PTGIS: variants seen among roughly 807,000 people sequenced by gnomAD.
PTGIS encodes the protein prostacyclin synthase.
In PTGIS, 45 loss-of-function variants were observed where a neutral mutation model predicts 50.3. The ratio of observed to expected loss-of-function variants is 0.90; its 90% CI spans 0.70 to 1.15. The LOEUF is 1.15. Among genes scored for constraint, PTGIS ranks in the 50% most tolerant of loss-of-function variants. The pLI is 0.00. For missense variants in PTGIS, 668 were observed against 661.3 expected (o/e 1.01, Z -0.11); for synonymous variants, 260 against 267.7 (o/e 0.97, Z 0.28).
At chr20:49,539,266 TA>T (rs1034535326) in intron 5 of PTGIS, among the ~76,000 whole-genome samples, 29 of 152,196 alleles carry the variant, frequency 1.9e-4, no homozygotes, top group Non-Finnish European at 4.0e-4. Context: ...GAACTACTTG[TA>T]AAAACTTTTA....
At chr20:49,560,379 A>G (rs6019900) in intron 1 of PTGIS, among the ~76,000 whole-genome samples, 8 of 150,170 alleles carry the variant, frequency 5.3e-5, no homozygotes, top group African/African-American at 1.2e-4. Context: ...TTGTTTTTCT[A>G]TTTTTTTATA....
chr20:49,508,982 A>T (rs1359637892), intron 9 of PTGIS, among the ~76,000 whole-genome samples: 3 of 152,240 alleles, frequency 2.0e-5, no homozygotes, highest in Non-Finnish European at 4.4e-5. Flanking sequence ...CGCCCGATGC[A>T]GCACTGAGCA....
At chr20:49,538,366 C>T (rs1045912091) in intron 5 of PTGIS, among the ~76,000 whole-genome samples, 3 of 150,108 alleles carry the variant, frequency 2.0e-5, no homozygotes, top group Admixed American at 2.0e-4. Context: ...GAGTTCAAGA[C>T]CAGTATAGGT....
chr20:49,531,542 CA>C (rs1319578765), intron 5 of PTGIS, among the ~76,000 whole-genome samples: 1 of 152,010 alleles, frequency 6.6e-6, no homozygotes, highest in Non-Finnish European at 1.5e-5. Context: ...CCCCAAAAAT[CA>C]AAAAAAGACA....
chr20:49,537,376 G>C (rs1372740865), intron 5 of PTGIS, among the ~76,000 whole-genome samples: 3 of 152,212 alleles, frequency 2.0e-5, no homozygotes, highest in African/African-American at 7.2e-5. Flanking sequence ...TTTACAAATC[G>C]ATGTGGAAAT....
chr20:49,518,118 A>C (rs1981541346), intron 6 of PTGIS, among the ~76,000 whole-genome samples: 1 of 152,262 alleles, frequency 6.6e-6, no homozygotes, highest in African/African-American at 2.4e-5. Flanking sequence ...GTAGCCTGGC[A>C]GAAGAAGGGA....
chr20:49,536,474 C>CTTTTT (rs1982073506), intron 5 of PTGIS, among the ~76,000 whole-genome samples: 19 of 125,598 alleles, frequency 1.5e-4, no homozygotes, highest in Admixed American at 6.9e-4. Context: ...TTCTTTCTTT[C>CTTTTT]TTTCTTTTTT....
At chr20:49,567,040 T>A (rs1982917184) in intron 1 of PTGIS, among the ~76,000 whole-genome samples, 1 of 152,112 alleles carries the variant, frequency 6.6e-6, no homozygotes, top group Non-Finnish European at 1.5e-5. Context: ...TATATTTTTT[T>A]AAATATGGAA....
At chr20:49,513,393 A>G in intron 7 of PTGIS, 132 bp from the exon 8 acceptor site, 1 of 1,018,218 alleles carries the variant, frequency 9.8e-7, no homozygotes, top group South Asian at 1.4e-5. Flanking sequence ...ACACAGTCAC[A>G]TAGCAAGGTG....
intron 5 of PTGIS, among the ~76,000 whole-genome samples, chr20:49,525,125 G>T (rs1361762009): frequency 6.6e-6 from 1 of 152,118 alleles, no homozygotes; most frequent in Non-Finnish European, 1.5e-5. Context: ...AGATTGGGCT[G>T]GAGTCTCAAA....
chr20:49,564,567 T>A (rs1056795480), intron 1 of PTGIS, among the ~76,000 whole-genome samples: 9 of 152,318 alleles, frequency 5.9e-5, no homozygotes, highest in East Asian at 1.9e-4. Context: ...TAATATTTTT[T>A]AAATAATGTT....
intron 5 of PTGIS, among the ~76,000 whole-genome samples, chr20:49,525,656 A>G (rs2122857138): frequency 6.6e-6 from 1 of 152,190 alleles, no homozygotes; most frequent in Admixed American, 6.5e-5. Context: ...GCTCCACGGT[A>G]ATGCTATTTA....
Position 49,507,805 on chromosome 20 carries a change from G to C in PTGIS, c.*115C>G. The C allele has an allele frequency of 1.4e-6, 2 of 1,386,372 alleles. No individual in the cohort carries two copies. The highest frequency in any genetic ancestry group is 1.0e-6 in the Non-Finnish European group (1 of 1,002,744). 85.9% of individuals were successfully genotyped at this position (1,386,372 alleles called of 1,614,324 possible). ...AGCCTTCTGGGAGAAAAGCAGGGAA[G>C]TGGTAATGCTAGCACCTGCACCCGG... On this transcript the variant is annotated 3_prime_UTR_variant, in exon 10 of 10. Coordinates refer to ENST00000244043, the MANE Select transcript of PTGIS (RefSeq NM_000961.4).
chr20:49,524,287 A>G (rs1281481066), intron 5 of PTGIS, 48 bp from the exon 6 acceptor site: 1 of 1,599,466 alleles, frequency 6.3e-7, no homozygotes, highest in Non-Finnish European at 8.5e-7. Context: ...TCACCATCCC[A>G]CACCCAGGGC....
chr20:49,567,867 G>GC (rs1260903976), intron 1 of PTGIS, among the ~76,000 whole-genome samples, 176 bp downstream of exon 1: 2 of 152,268 alleles, frequency 1.3e-5, no homozygotes, highest in East Asian at 1.9e-4. Context: ...GCACGGCCTG[G>GC]CCCCCTCACC....
chr20:49,541,055 A>G (rs1982213395), intron 4 of PTGIS, among the ~76,000 whole-genome samples: 1 of 152,222 alleles, frequency 6.6e-6, no homozygotes, highest in Non-Finnish European at 1.5e-5. Flanking sequence ...GAAGTTGTAA[A>G]GGTGCAGCCC....
At chr20:49,547,172 C>T (rs1409597944) in intron 3 of PTGIS, among the ~76,000 whole-genome samples, 1 of 152,196 alleles carries the variant, frequency 6.6e-6, no homozygotes, top group Non-Finnish European at 1.5e-5. Context: ...GCGGAGGTTA[C>T]AGTGAGCCAA....
intron 5 of PTGIS, among the ~76,000 whole-genome samples, chr20:49,526,190 T>TG (rs1568673693): frequency 6.6e-6 from 1 of 152,226 alleles, no homozygotes; most frequent in Non-Finnish European, 1.5e-5. Context: ...GCGTGGGAAC[T>TG]GGGCATCCAG....
intron 2 of PTGIS, 23 bp from the exon 3 acceptor site, chr20:49,548,042 G>C: frequency 1.2e-6 from 2 of 1,609,670 alleles, no homozygotes; most frequent in East Asian, 4.5e-5. Flanking sequence ...GCCAGGGATA[G>C]AGTGAGGAGT....
Sources: allele counts gnomAD v4.1 joint callset (sites outside exome capture counted in the v4.1 genomes callset), GRCh38; gene constraint gnomAD v4.1.1; transcripts MANE v1.5; gene names NCBI Gene and HGNC (gene_info 2026-07-23, HGNC 2026-07-21).